LRP2: variants seen among roughly 807,000 people sequenced by gnomAD.
LRP2 encodes the protein low-density lipoprotein receptor-related protein 2.
LRP2 carries 172 observed loss-of-function variants against 531.0 expected under a neutral mutation model. The observed-to-expected ratio is 0.32, with a 90% CI of 0.29 to 0.37. The LOEUF is 0.37. Ranked by LOEUF, LRP2 falls within the 10% of genes least tolerant of loss-of-function variation. LRP2 has a pLI of 1.00. For missense variants in LRP2, 5,167 were observed against 5,868.3 expected, an observed-to-expected ratio of 0.88 and a Z score of 3.90; for synonymous variants, 1,992 against 2,027.6, an observed-to-expected ratio of 0.98 and a Z score of 0.47.
intron 36 of LRP2, among the ~76,000 whole-genome samples, chr2:169,213,293 A>T (rs541353961): frequency 6.6e-6 from 1 of 152,322 alleles, no homozygotes; most frequent in East Asian, 1.9e-4. Context: ...ATCACCGAGT[A>T]TTGAGCAGCA....
chr2:169,312,951 T>C (rs1299574825), intron 3 of LRP2, among the ~76,000 whole-genome samples: 1 of 152,246 alleles, frequency 6.6e-6, no homozygotes, highest in Non-Finnish European at 1.5e-5. Flanking sequence ...ATTTCATTCA[T>C]TTGATCTTCA....
At chr2:169,242,727 A>G (rs1337100852) in intron 24 of LRP2, among the ~76,000 whole-genome samples, 1 of 152,232 alleles carries the variant, frequency 6.6e-6, no homozygotes, top group East Asian at 1.9e-4. Context: ...TATTTAGCCC[A>G]TCTAAGAGAC....
Position 169,216,448 on chromosome 2 carries a change from A to C in LRP2, c.5649-18T>G. 1 of 1,612,824 alleles carries C rather than the reference A, an allele frequency of 6.2e-7. No individual in the cohort carries two copies. Among genetic ancestry groups the C allele is most frequent in the Non-Finnish European group, 8.5e-7 (1 of 1,179,060 alleles). ...ACAGCTTCCTACAACCATGAAAAAC[A>C]CCAGCATGTAACAAAACAGAAGGTG... On this transcript the variant is annotated intron_variant, in intron 34 of 78. Coordinates refer to ENST00000649046, the MANE Select transcript of LRP2 (RefSeq NM_004525.3).
chr2:169,175,803 T>C (rs936890635), intron 54 of LRP2, among the ~76,000 whole-genome samples: 1 of 152,214 alleles, frequency 6.6e-6, no homozygotes, highest in East Asian at 1.9e-4. Context: ...AAATGTATGC[T>C]AGATTCTTAA....
In LRP2 at chr2:169,185,690, A is replaced by G; in HGVS notation, c.9658T>C (p.Ser3220Pro). ...TTGTCCAGTCCTTCCAAGATGAGGG[A>G]GTAAAAATAGCCATCTATAGTTAAA... ...RNLTIDGYFYSLILEGLDNVV... is the reference protein window; with the variant it reads ...RNLTIDGYFYPLILEGLDNVV... Residue 3220 changes from serine (S) to proline (P), a missense_variant, in exon 50 of 79, where the codon TCC becomes CCC. Physicochemically the swap from Ser to Pro is moderately conservative, Grantham distance 74. Coordinates refer to ENST00000649046, the MANE Select transcript of LRP2 (RefSeq NM_004525.3). 1 of 1,614,144 alleles carries G rather than the reference A, an allele frequency of 6.2e-7. No individual in the cohort carries two copies. The highest frequency in any genetic ancestry group is 8.5e-7 in the Non-Finnish European group (1 of 1,180,008).
intron 45 of LRP2, 77 bp from the exon 46 acceptor site, chr2:169,197,107 T>C (rs1208138077): frequency 1.6e-5 from 25 of 1,551,188 alleles, no homozygotes; most frequent in Middle Eastern, 2.2e-4. Flanking sequence ...TCTGCCTCTA[T>C]CTCTGAGCTA....
chr2:169,222,861 C>T (rs1179350571), intron 33 of LRP2, among the ~76,000 whole-genome samples: 1 of 152,094 alleles, frequency 6.6e-6, no homozygotes, highest in Non-Finnish European at 1.5e-5. Context: ...ATGTATTAGT[C>T]ATCTTTCAAG....
intron 3 of LRP2, among the ~76,000 whole-genome samples, chr2:169,308,917 A>G (rs1684506662): frequency 6.6e-6 from 1 of 152,048 alleles, no homozygotes; most frequent in African/African-American, 2.4e-5. Context: ...TCACCATTCT[A>G]ACTGGTGTGA....
At chr2:169,205,978 C>A (rs1688370133) in intron 40 of LRP2, 45 bp downstream of exon 40, 1 of 1,612,862 alleles carries the variant, frequency 6.2e-7, no homozygotes, top group South Asian at 1.1e-5. Context: ...CCATTTTTTC[C>A]AGAAATAAGC....
chr2:169,299,712 T>C (rs772106038), intron 4 of LRP2, among the ~76,000 whole-genome samples: 3 of 152,058 alleles, frequency 2.0e-5, no homozygotes, highest in Admixed American at 6.6e-5. Flanking sequence ...CATGTTTTCA[T>C]TGAAAGCCAG....
At chr2:169,213,978 T>C in intron 35 of LRP2, 108 bp from the exon 36 acceptor site, 1 of 767,634 alleles carries the variant, frequency 1.3e-6, no homozygotes, top group Non-Finnish European at 2.3e-6. Flanking sequence ...TACAGCCCTC[T>C]ATCCCTTACA....
At position 169,202,880 on chromosome 2, in the gene LRP2, G is replaced by A; in HGVS notation, c.8085C>T (p.Asp2695=). The change falls in exon 43 of 79, where the codon GAC becomes GAT. Residue 2695 remains aspartate (D), a synonymous_variant. Transcript: ENST00000649046. The stretch of plus-strand genomic sequence containing the variant: ...AAGATGCACCACATCGTTCACCATT[G>A]TCCACAATGCAGTGCTTCCTGTTGT... ...LANNRKHCIV[D]NGERCGASSF... is the part of the protein sequence containing the mutation. 1 of 1,614,120 alleles carries A rather than the reference G, an allele frequency of 6.2e-7. No individual in the cohort carries two copies. Among genetic ancestry groups the A allele is most frequent in the Non-Finnish European group, 8.5e-7 (1 of 1,180,004 alleles).
intron 44 of LRP2, among the ~76,000 whole-genome samples, chr2:169,200,204 T>C (rs1688155808): frequency 1.3e-5 from 2 of 152,096 alleles, no homozygotes. Flanking sequence ...TGAGCTGAGA[T>C]CGCGTCACTG....
intron 1 of LRP2, among the ~76,000 whole-genome samples, chr2:169,343,247 T>C (rs971339290): frequency 6.6e-6 from 1 of 152,140 alleles, no homozygotes; most frequent in African/African-American, 2.4e-5. Flanking sequence ...CTTCAAGACC[T>C]GGGAGGTGAA....
chr2:169,196,797 C>T, intron 46 of LRP2, 114 bp downstream of exon 46: 1 of 1,434,896 alleles, frequency 7.0e-7, no homozygotes, highest in South Asian at 1.2e-5. Context: ...AAAGCTGGGA[C>T]AGGAAGTCCA....
At chr2:169,203,072 G>A (rs973993434) in intron 42 of LRP2, 113 bp from the exon 43 acceptor site, 28 of 844,018 alleles carry the variant, frequency 3.3e-5, no homozygotes, top group African/African-American at 2.5e-4. Context: ...CCTAAGAAGC[G>A]CCATGGAAGT....
rs555165717 is a variant in LRP2 at position 169,191,693 on chromosome 2, G to A, written c.9032+139C>T. 4.7e-5 allele frequency: 31 copies of A among 658,632 alleles called. 1 individual carries two copies. The South Asian group carries it at 6.2e-4, about 13-fold the overall frequency. 40.8% of individuals were successfully genotyped at this position (658,632 alleles called of 1,614,324 possible). On this transcript the variant is annotated intron_variant, in intron 48 of 78. Transcript: ENST00000649046. ...GTTTTTTTTCCCTTTGATTTGGAAA[G>A]GAATCCAAACATTTTCATAAGCCAC...
At chr2:169,202,201 C>T (rs1039924975) in intron 43 of LRP2, among the ~76,000 whole-genome samples, 1 of 152,192 alleles carries the variant, frequency 6.6e-6, no homozygotes, top group Non-Finnish European at 1.5e-5. Flanking sequence ...CTCCTAGCCC[C>T]TATCACAGTC....
intron 15 of LRP2, among the ~76,000 whole-genome samples, chr2:169,271,325 T>A (rs1188167830): frequency 6.6e-6 from 1 of 152,044 alleles, no homozygotes; most frequent in Non-Finnish European, 1.5e-5. Flanking sequence ...GAATCTTCCT[T>A]CTTCCTAAGA....
Sources: allele counts gnomAD v4.1 joint callset (sites outside exome capture counted in the v4.1 genomes callset), GRCh38; gene constraint gnomAD v4.1.1; transcripts MANE v1.5; gene names NCBI Gene and HGNC (gene_info 2026-07-23, HGNC 2026-07-21).